Variants in DLGAP2 observed in about 807,000 individuals in gnomAD.
DLGAP2 encodes disks large-associated protein 2.
In DLGAP2, 26 loss-of-function variants were observed where a neutral mutation model predicts 100.3. The ratio of observed to expected loss-of-function variants is 0.26; its 90% CI spans 0.19 to 0.36. The LOEUF is 0.36. Among genes scored for constraint, DLGAP2 ranks in the 10% least tolerant of loss-of-function variants. DLGAP2 has a pLI of 1.00. For missense variants in DLGAP2, 1,858 were observed against 1,453.2 expected (o/e 1.28, Z -4.53); for synonymous variants, 886 against 630.1 (o/e 1.41, Z -6.08).
At chr8:869,449 C>T (rs764620714) in intron 1 of DLGAP2, among the ~76,000 whole-genome samples, 24 of 152,100 alleles carry the variant, frequency 1.6e-4, no homozygotes, top group Non-Finnish European at 2.9e-4. Context: ...ATTTGGTTTA[C>T]GTTTGTACGC....
intron 1 of DLGAP2, among the ~76,000 whole-genome samples, chr8:764,194 C>T (rs1455865415): frequency 2.0e-5 from 3 of 152,210 alleles, no homozygotes; most frequent in Non-Finnish European, 2.9e-5. Flanking sequence ...ACTCATCCTG[C>T]CTCATTTTGG....
chr8:1,539,476 G>C (rs1469775128), intron 4 of DLGAP2, among the ~76,000 whole-genome samples: 1 of 152,096 alleles, frequency 6.6e-6, no homozygotes, highest in East Asian at 1.9e-4. Flanking sequence ...CCATCCCCAC[G>C]AGTTGAGTGA....
Position 1,706,149 on chromosome 8 carries a change from G to C in DLGAP2, c.*4743G>C, listed in dbSNP as rs1042445638. 1 of 152,230 alleles carries C rather than the reference G, an allele frequency of 6.6e-6. No homozygotes were observed. Among genetic ancestry groups the C allele is most frequent in the Non-Finnish European group, 1.5e-5 (1 of 68,040 alleles). 9.4% of individuals were successfully genotyped at this position (152,230 alleles called of 1,614,324 possible). On this transcript the variant is annotated 3_prime_UTR_variant, in exon 15 of 15. Coordinates refer to ENST00000637795, the MANE Select transcript of DLGAP2 (RefSeq NM_001346810.2). ...TTCGGCTGAATGTCCCCCAGTGCAG[G>C]GTGGCAGCAGAATGTTCTGGAAATG...
chr8:755,981 G>C (rs1008992700), intron 1 of DLGAP2, among the ~76,000 whole-genome samples: 1 of 152,220 alleles, frequency 6.6e-6, no homozygotes, highest in Non-Finnish European at 1.5e-5. Context: ...GCTTACCTGA[G>C]GCTTGGTGCC....
intron 3 of DLGAP2, among the ~76,000 whole-genome samples, chr8:1,484,449 C>CTGCGACTGGACGGCTCTGCCCCA (rs1799186367): frequency 6.6e-6 from 1 of 152,254 alleles, no homozygotes; most frequent in Non-Finnish European, 1.5e-5. Flanking sequence ...TGGCTTAGGC[C>CTGCGACTGGACGGCTCTGCCCCA]TGCGACTGGA....
At chr8:843,461 G>C (rs770862764) in intron 1 of DLGAP2, among the ~76,000 whole-genome samples, 4 of 152,220 alleles carry the variant, frequency 2.6e-5, no homozygotes, top group African/African-American at 4.8e-5. Context: ...TCCGGCTTTG[G>C]GGCCTGGCTT....
In DLGAP2 at chr8:1,094,003, CGGTGGAGGGAGGGCAGCTTCGCGGTG is replaced by C. The variant is rs1193558785; in HGVS notation, c.74-164829_74-164804del. On this transcript the variant is annotated intron_variant, in intron 2 of 14. Coordinates refer to ENST00000637795, the MANE Select transcript of DLGAP2 (RefSeq NM_001346810.2). ...CGCTCGTGGATGGAGGGCAGCTCCC[CGGTGGAGGGAGGGCAGCTTCGCGGTG>C]GGTGGAGGGAGGGCAGCTCCGCGGT... 1.4e-3 allele frequency among the ~76,000 whole-genome samples: 148 copies of C among 108,496 alleles called. No homozygotes were observed. The Middle Eastern group carries it at 0.029, about 21-fold the overall frequency. The allele number at this position is 108,496 out of a possible 152,430, so 71.2% of individuals were successfully genotyped here. A position where few individuals can be genotyped will look rare whatever the true frequency, so the allele number is the denominator to read the frequency against.
intron 4 of DLGAP2, among the ~76,000 whole-genome samples, chr8:1,526,197 T>C (rs1174644973): frequency 6.6e-6 from 1 of 151,624 alleles, no homozygotes; most frequent in Non-Finnish European, 1.5e-5. Context: ...CCTCCTCTGC[T>C]GGAGCCTCCT....
intron 2 of DLGAP2, among the ~76,000 whole-genome samples, chr8:1,030,271 G>T (rs974453628): frequency 5.3e-5 from 8 of 152,170 alleles, no homozygotes; most frequent in Non-Finnish European, 8.8e-5. Context: ...TGTTTTGCTG[G>T]AGTTTATTCT....
At chr8:1,579,347 A>C (rs1803130896) in intron 6 of DLGAP2, among the ~76,000 whole-genome samples, 1 of 152,148 alleles carries the variant, frequency 6.6e-6, no homozygotes, top group African/African-American at 2.4e-5. Context: ...ATATAGACAC[A>C]TATGTATATG....
At chr8:1,148,351 T>C (rs1226983741) in intron 2 of DLGAP2, among the ~76,000 whole-genome samples, 1 of 152,148 alleles carries the variant, frequency 6.6e-6, no homozygotes, top group African/African-American at 2.4e-5. Flanking sequence ...TTTTGTTTTC[T>C]CTATTAGTTT....
chr8:1,343,711 G>A (rs561328355), intron 3 of DLGAP2, among the ~76,000 whole-genome samples: 1 of 60,950 alleles, frequency 1.6e-5, no homozygotes, highest in African/African-American at 4.2e-5. Context: ...GGGGGGTCGT[G>A]GGGGGTGTTA....
At chr8:994,772 T>A (rs1315612870) in intron 2 of DLGAP2, among the ~76,000 whole-genome samples, 1 of 152,230 alleles carries the variant, frequency 6.6e-6, no homozygotes, top group Non-Finnish European at 1.5e-5. Flanking sequence ...GCTCCCTTGC[T>A]GGCAATGAAG....
intron 2 of DLGAP2, among the ~76,000 whole-genome samples, chr8:975,774 C>T (rs1330479273): frequency 6.6e-6 from 1 of 152,228 alleles, no homozygotes; most frequent in Non-Finnish European, 1.5e-5. Context: ...TAGCTAAACT[C>T]ATACTTCATG....
At chr8:1,173,982 G>A in intron 2 of DLGAP2, among the ~76,000 whole-genome samples, 1 of 152,124 alleles carries the variant, frequency 6.6e-6, no homozygotes, top group East Asian at 1.9e-4. Flanking sequence ...GCTCACGCTG[G>A]GAGCTGTAGA....
rs543806474 is a variant in DLGAP2, at chr8:1,507,251, C to T, written c.172+5820C>T. The stretch of plus-strand genomic sequence containing the variant: ...GCTTGGGCCGCGCGGGAGCCCACCG[C>T]GAGGGGGAGGCTCAGGCATGGCGGG... On this transcript the variant is annotated intron_variant, in intron 4 of 14. Coordinates refer to ENST00000637795, the MANE Select transcript of DLGAP2 (RefSeq NM_001346810.2). 4.7e-3 allele frequency among the ~76,000 whole-genome samples: 711 copies of T among 152,338 alleles called. 9 individuals are homozygous for T. The highest frequency in any genetic ancestry group is 6.4e-3 in the African/African-American group (266 of 41,588).
chr8:1,609,014 C>T (rs2130726629), intron 6 of DLGAP2, among the ~76,000 whole-genome samples: 1 of 150,352 alleles, frequency 6.7e-6, no homozygotes, highest in African/African-American at 2.4e-5. Flanking sequence ...GGCAGGCCAA[C>T]ATTCAGATTC....
chr8:891,568 TC>T (rs1798036147), intron 1 of DLGAP2: 1 of 152,426 alleles, frequency 6.6e-6, no homozygotes, highest in Admixed American at 6.5e-5. Context: ...GCAGGACTGT[TC>T]CATCTCAGAG....
chr8:1,351,949 GTGCGGGTCCTGAGTGTGTGTGGAAAC>G, intron 3 of DLGAP2, among the ~76,000 whole-genome samples: 1 of 81,776 alleles, frequency 1.2e-5, no homozygotes, highest in East Asian at 5.7e-4. Context: ...TGGAAAGGCC[GTGCGGGTCCTGAGTGTGTGTGGAAAC>G]GCCGTGCGGG....
Sources: allele counts gnomAD v4.1 joint callset (sites outside exome capture counted in the v4.1 genomes callset), GRCh38; gene constraint gnomAD v4.1.1; transcripts MANE v1.5; gene names NCBI Gene and HGNC (gene_info 2026-07-23, HGNC 2026-07-21).